NSMCE4A: variants seen among roughly 807,000 people sequenced by gnomAD.
The protein encoded by NSMCE4A is NSE4A component of SMC5/6 complex, also known as non-structural maintenance of chromosomes element 4 homolog A.
Under a neutral mutation model 47.9 loss-of-function variants are expected in NSMCE4A, and 40 were observed. That is an observed-to-expected ratio of 0.83 (90% confidence interval 0.65 to 1.09). The LOEUF is 1.09. Ranked by LOEUF, NSMCE4A falls within the 50% of genes least tolerant of loss-of-function variation. The pLI, the probability that NSMCE4A is intolerant of heterozygous loss-of-function variation, is 0.00. For synonymous variants in NSMCE4A, 166 were observed against 178.5 expected, an observed-to-expected ratio of 0.93 and a Z score of 0.56; for missense variants, 500 against 507.0, an observed-to-expected ratio of 0.99 and a Z score of 0.13.
At chr10:121,963,494 G>A (rs1952540822) in intron 5 of NSMCE4A, among the ~76,000 whole-genome samples, 166 bp from the exon 6 acceptor site, 1 of 150,946 alleles carries the variant, frequency 6.6e-6, no homozygotes, top group Non-Finnish European at 1.5e-5. Flanking sequence ...GCAGTTGCAT[G>A]ATCTCGGCTC....
intron 2 of NSMCE4A, among the ~76,000 whole-genome samples, chr10:121,973,097 G>A (rs145098947): frequency 3.9e-5 from 6 of 152,158 alleles, no homozygotes; most frequent in African/African-American, 9.6e-5. Flanking sequence ...TTAGCTGGGT[G>A]TGATGGAGCA....
intron 4 of NSMCE4A, chr10:121,965,921 T>C (rs1952598471): frequency 6.6e-6 from 1 of 152,362 alleles, no homozygotes; most frequent in South Asian, 2.1e-4. Context: ...TAAGTCTGCA[T>C]CATGTAGAGA....
chr10:121,959,220 A>G, intron 10 of NSMCE4A, 104 bp downstream of exon 10: 1 of 922,900 alleles, frequency 1.1e-6, no homozygotes, highest in South Asian at 1.4e-5. Flanking sequence ...GGGGCACTAC[A>G]GGGAGGCAAA....
intron 6 of NSMCE4A, chr10:121,961,748 CA>C (rs1191332089): frequency 1.2e-5 from 5 of 416,232 alleles, no homozygotes; most frequent in African/African-American, 2.1e-5. Context: ...TGTAACTGCA[CA>C]AAATTACATA....
chr10:121,968,774 T>C (rs538389900), intron 3 of NSMCE4A, among the ~76,000 whole-genome samples: 1 of 152,280 alleles, frequency 6.6e-6, no homozygotes, highest in East Asian at 1.9e-4. Flanking sequence ...AATCAGACTT[T>C]AAAGAAAAGA....
intron 10 of NSMCE4A, among the ~76,000 whole-genome samples, chr10:121,958,263 C>T (rs1312804327): frequency 6.6e-6 from 1 of 152,106 alleles, no homozygotes; most frequent in African/African-American, 2.4e-5. Context: ...GATTAAGTGA[C>T]TTGCCCAAGG....
At position 121,970,999 on chromosome 10, in the gene NSMCE4A, T is replaced by C. The variant is rs1240601001; in HGVS notation, c.441A>G (p.Lys147=). 1 of 1,613,978 alleles carries C rather than the reference T, an allele frequency of 6.2e-7. No homozygotes were observed. Among genetic ancestry groups the C allele is most frequent in the African/African-American group, 1.3e-5 (1 of 74,918 alleles). The change falls in exon 3 of 11, where the codon AAA becomes AAG. Residue 147 remains lysine (K), a synonymous_variant. Coordinates refer to ENST00000369023, the MANE Select transcript of NSMCE4A (RefSeq NM_017615.3). The part of the protein sequence containing the change: ...LVLASDLGKE[K]AKQLRSDLSS... ...TCAGGTCTGAGCGCAGCTGCTTTGC[T>C]TTCTCTTTGCCCAAATCTGAAGCCA... is the stretch of plus-strand genomic sequence containing the variant.
At chr10:121,969,723 T>C (rs1952672047) in intron 3 of NSMCE4A, among the ~76,000 whole-genome samples, 1 of 152,134 alleles carries the variant, frequency 6.6e-6, no homozygotes, top group Non-Finnish European at 1.5e-5. Context: ...ACTGATTGAT[T>C]GATTGATTTT....
chr10:121,963,362 C>A (rs1010917620), intron 5 of NSMCE4A, 34 bp from the exon 6 acceptor site: 3 of 1,239,822 alleles, frequency 2.4e-6, no homozygotes, highest in African/African-American at 3.0e-5. Context: ...GACAGACCTA[C>A]TTACTGGCCT....
In NSMCE4A at chr10:121,971,080, A is replaced by T. The variant is rs756054999; in HGVS notation, c.371-11T>A. On this transcript the variant is annotated splice_polypyrimidine_tract_variant and intron_variant, in intron 2 of 10. Transcript: ENST00000369023. Reference sequence around the variant, plus strand: ...CTCTTGCTCGGGACACTATTCAAAAAAGAAAGAAAATATTCACATTACAAA... The same window carrying T: ...CTCTTGCTCGGGACACTATTCAAAATAGAAAGAAAATATTCACATTACAAA... The T allele has an allele frequency of 6.2e-7, 1 of 1,602,580 alleles. No individual in the cohort carries two copies. Among genetic ancestry groups the T allele is most frequent in the Non-Finnish European group, 8.5e-7 (1 of 1,174,754 alleles).
chr10:121,974,439 G>T, intron 1 of NSMCE4A: 1 of 1,020,104 alleles, frequency 9.8e-7, no homozygotes, highest in Non-Finnish European at 1.2e-6. Flanking sequence ...CCAGAGATTC[G>T]AATTCCGCGG....
intron 2 of NSMCE4A, among the ~76,000 whole-genome samples, chr10:121,973,416 C>T (rs145806576): frequency 2.4e-4 from 36 of 152,156 alleles, no homozygotes; most frequent in African/African-American, 8.2e-4. Flanking sequence ...CTACCAATAC[C>T]ACTGCCTCTG....
At chr10:121,962,842 C>T (rs1268499923) in intron 6 of NSMCE4A, among the ~76,000 whole-genome samples, 1 of 152,126 alleles carries the variant, frequency 6.6e-6, no homozygotes, top group Non-Finnish European at 1.5e-5. Flanking sequence ...GAACTCCCAA[C>T]CTCAGCCTCC....
intron 2 of NSMCE4A, 116 bp from the exon 3 acceptor site, chr10:121,971,185 ATC>A: frequency 5.9e-6 from 6 of 1,008,940 alleles, no homozygotes; most frequent in Non-Finnish European, 2.8e-6. Flanking sequence ...AAAAAAAAAA[ATC>A]TCAATAGGCA....
chr10:121,963,237 C>G lies in NSMCE4A; in HGVS notation c.844+1G>C, dbSNP rs1041359144. 6.3e-7 allele frequency: 1 copy of G among 1,591,072 alleles called. No homozygotes were observed. Among genetic ancestry groups the G allele is most frequent in the Non-Finnish European group, 8.6e-7 (1 of 1,159,510 alleles). On this transcript the variant is annotated splice_donor_variant, in intron 6 of 10. Coordinates refer to ENST00000369023, the MANE Select transcript of NSMCE4A (RefSeq NM_017615.3). LOFTEE classifies it high-confidence loss of function. ...TCCACTTTGAATGGTGTTACACTTA[C>G]GATCTTCTCGAAAATATGTCTGCAA...
intron 1 of NSMCE4A, chr10:121,974,497 C>T (rs1952778114): frequency 2.3e-6 from 1 of 436,868 alleles, no homozygotes; most frequent in Admixed American, 9.5e-5. Context: ...TCGCGTGCCG[C>T]TGCAGCTGCA....
intron 8 of NSMCE4A, chr10:121,959,830 T>C: frequency 1.9e-6 from 1 of 540,470 alleles, no homozygotes; most frequent in Non-Finnish European, 3.3e-6. Context: ...ATTCCAGACA[T>C]TTGAAAATCT....
chr10:121,963,500 G>A (rs1025361835), intron 5 of NSMCE4A, among the ~76,000 whole-genome samples, 172 bp from the exon 6 acceptor site: 5 of 150,916 alleles, frequency 3.3e-5, no homozygotes, highest in African/African-American at 9.8e-5. Context: ...GCATGATCTC[G>A]GCTCACTGTA....
chr10:121,963,435 T>C, intron 5 of NSMCE4A, 107 bp from the exon 6 acceptor site: 1 of 610,040 alleles, frequency 1.6e-6, no homozygotes, highest in Non-Finnish European at 2.8e-6. Context: ...ACACCCGAAC[T>C]CTTTTTTTTT....
Sources: gnomAD v4.1 joint callset for allele counts (sites outside exome capture counted in the v4.1 genomes callset) on GRCh38, gnomAD v4.1.1 for gene constraint, MANE v1.5 for transcripts, NCBI Gene and HGNC (gene_info 2026-07-23, HGNC 2026-07-21) for gene names.